CLYBL: variants seen among roughly 807,000 people sequenced by gnomAD.
CLYBL encodes citramalyl-CoA lyase, mitochondrial.
A neutral mutation model predicts 38.9 loss-of-function variants in CLYBL; 31 were observed. The observed-to-expected ratio is 0.80, with a 90% confidence interval of 0.60 to 1.08. CLYBL has a LOEUF of 1.08. CLYBL is among the 50% of genes least tolerant of loss of function. The pLI is 0.00. For missense variants in CLYBL, 434 were observed against 411.6 expected (o/e 1.05, Z -0.47); for synonymous variants, 171 against 158.6 (o/e 1.08, Z -0.59).
rs1035135382 is a variant in CLYBL, at chr13:99,608,422, A to G, written c.62+1665A>G. Among the ~76,000 whole-genome samples the G allele has an allele frequency of 2.0e-5, 3 of 152,170 alleles. 1 individual carries two copies. Among genetic ancestry groups the G allele is most frequent in the South Asian group, 4.1e-4 (2 of 4,828 alleles). On this transcript the variant is annotated intron_variant, in intron 1 of 8. Transcript: ENST00000339105. ...TTGCACTGTGACTCTTCAGTCACCC[A>G]TGTCCTATGGGAGGACCCACCTAGT...
chr13:99,768,747 G>A (rs557944060), intron 1 of CLYBL, among the ~76,000 whole-genome samples: 1 of 151,106 alleles, frequency 6.6e-6, no homozygotes, highest in Non-Finnish European at 1.5e-5. Context: ...TCTGACCTCG[G>A]GTGATTCCCC....
Position 99,772,832 on chromosome 13 carries a change from C to A in CLYBL, c.71C>A (p.Ser24Tyr). The A allele has an allele frequency of 6.3e-7, 1 of 1,595,574 alleles. No homozygotes were observed. Among genetic ancestry groups the A allele is most frequent in the East Asian group, 2.2e-5 (1 of 44,668 alleles). ...AAAALLRLKA[S>Y]LAADIPRLGY... Reference sequence around the variant, plus strand: ...AATCACGTGTCTTGCAGGAAAGCGTCTCTAGCAGCTGATATCCCCAGACTT... The same window carrying A: ...AATCACGTGTCTTGCAGGAAAGCGTATCTAGCAGCTGATATCCCCAGACTT... The change falls in exon 2 of 9, where the codon TCT (serine) becomes TAT (tyrosine). Residue 24 changes from serine (S) to tyrosine (Y), a missense_variant. Physicochemically the swap from Ser to Tyr is moderately radical, Grantham distance 144. Transcript: ENST00000339105.
intron 1 of CLYBL, among the ~76,000 whole-genome samples, chr13:99,731,082 C>CAA (rs764705741): frequency 0.02 from 1,159 of 56,838 alleles, 38 homozygotes; most frequent in South Asian, 0.031. Context: ...GACTCTGTTT[C>CAA]AAAAAAAAAA....
intron 1 of CLYBL, among the ~76,000 whole-genome samples, chr13:99,766,996 G>A (rs185739432): frequency 2.0e-5 from 3 of 152,338 alleles, no homozygotes; most frequent in African/African-American, 7.2e-5. Context: ...TGTCCTCAGG[G>A]ATATTTCTCC....
intron 2 of CLYBL, among the ~76,000 whole-genome samples, chr13:99,782,666 G>A (rs557233014): frequency 1.3e-5 from 2 of 151,994 alleles, no homozygotes; most frequent in Non-Finnish European, 2.9e-5. Context: ...ACTAAAATGT[G>A]ACAAAGTGTG....
At chr13:99,882,556 G>A (rs1052707363) in intron 7 of CLYBL, among the ~76,000 whole-genome samples, 2 of 152,118 alleles carry the variant, frequency 1.3e-5, no homozygotes, top group African/African-American at 4.8e-5. Flanking sequence ...GTCAGCTAGT[G>A]GGGAGGCTGA....
chr13:99,806,096 T>G (rs532279127), intron 2 of CLYBL, among the ~76,000 whole-genome samples: 1 of 152,194 alleles, frequency 6.6e-6, no homozygotes, highest in East Asian at 1.9e-4. Context: ...TTCATGTACA[T>G]AACTTTTTTC....
chr13:99,900,046 C>T (rs907306381), downstream of CLYBL, among the ~76,000 whole-genome samples: 9 of 152,222 alleles, frequency 5.9e-5, no homozygotes, highest in Admixed American at 5.2e-4. Context: ...CCTGCCTCAG[C>T]CTCCTAAGTA....
chr13:99,684,816 G>A (rs191493837), intron 1 of CLYBL, among the ~76,000 whole-genome samples: 2 of 152,324 alleles, frequency 1.3e-5, no homozygotes, highest in African/African-American at 4.8e-5. Flanking sequence ...GGGTTGGAGT[G>A]AACACTTGAA....
At chr13:99,631,329 T>TTGTGTGTG (rs1342977969) in intron 1 of CLYBL, among the ~76,000 whole-genome samples, 1 of 102,140 alleles carries the variant, frequency 9.8e-6, no homozygotes, top group African/African-American at 4.2e-5. Context: ...CTCCAAATAT[T>TTGTGTGTG]TATGTGTGTG....
chr13:99,630,609 C>G (rs2046929859), intron 1 of CLYBL, among the ~76,000 whole-genome samples: 1 of 152,156 alleles, frequency 6.6e-6, no homozygotes, highest in Admixed American at 6.5e-5. Context: ...TTTTTGGCCT[C>G]TCTTTTTTCT....
chr13:99,872,390 G>T (rs2051928945), intron 7 of CLYBL, among the ~76,000 whole-genome samples: 1 of 152,200 alleles, frequency 6.6e-6, no homozygotes. Flanking sequence ...TGTGTTTAGT[G>T]TCCATTTTTG....
chr13:99,705,762 A>G (rs2048137634), intron 1 of CLYBL, among the ~76,000 whole-genome samples: 1 of 151,758 alleles, frequency 6.6e-6, no homozygotes, highest in Non-Finnish European at 1.5e-5. Flanking sequence ...GAAGGAGGGA[A>G]TGGGGAATTG....
intron 7 of CLYBL, among the ~76,000 whole-genome samples, chr13:99,871,493 C>G (rs1157005308): frequency 2.0e-5 from 3 of 151,214 alleles, no homozygotes. Context: ...GAAAAAAGTA[C>G]AGAAATCTCC....
chr13:99,830,682 C>G (rs1425567772), intron 2 of CLYBL, among the ~76,000 whole-genome samples: 1 of 152,160 alleles, frequency 6.6e-6, no homozygotes, highest in Non-Finnish European at 1.5e-5. Context: ...CACTGTTCCT[C>G]TTAAGGGATG....
intron 2 of CLYBL, among the ~76,000 whole-genome samples, chr13:99,840,750 CAAAAAAAAAAAAA>C (rs59274056): frequency 3.0e-4 from 5 of 16,814 alleles, no homozygotes; most frequent in Non-Finnish European, 5.2e-4. Flanking sequence ...ACCCTTGTCT[CAAAAAAAAAAAAA>C]AAAAAAAAAA....
intron 1 of CLYBL, among the ~76,000 whole-genome samples, chr13:99,698,682 T>C (rs73566254): frequency 0.074 from 11,214 of 152,254 alleles, 1,399 homozygotes; most frequent in African/African-American, 0.26. Flanking sequence ...TGGCTTTATA[T>C]GCATTTGTAG....
At chr13:99,756,842 T>C (rs1287859242) in intron 1 of CLYBL, among the ~76,000 whole-genome samples, 1 of 152,224 alleles carries the variant, frequency 6.6e-6, no homozygotes, top group Non-Finnish European at 1.5e-5. Context: ...TATCTTCAAA[T>C]GGACATGCGC....
intron 1 of CLYBL, among the ~76,000 whole-genome samples, chr13:99,695,738 C>T (rs889224218): frequency 6.6e-6 from 1 of 152,082 alleles, no homozygotes; most frequent in African/African-American, 2.4e-5. Context: ...AGGCTGGTCT[C>T]GAACTCCTGA....
Sources: allele counts gnomAD v4.1 joint callset (sites outside exome capture counted in the v4.1 genomes callset), GRCh38; gene constraint gnomAD v4.1.1; transcripts MANE v1.5; gene names NCBI Gene and HGNC (gene_info 2026-07-23, HGNC 2026-07-21).